Variants in NEU1 observed in about 807,000 individuals in gnomAD.
NEU1 encodes neuraminidase 1, also known as sialidase-1.
Under a neutral mutation model 38.3 loss-of-function variants are expected in NEU1, and 32 were observed. That is an observed-to-expected ratio of 0.84 (90% confidence interval 0.63 to 1.12). The LOEUF (loss-of-function observed/expected upper bound fraction) is 1.12, where lower values mean the gene tolerates loss of function less well. Ranked by LOEUF, NEU1 falls within the 50% of genes most tolerant of loss-of-function variation. NEU1 has a pLI of 0.00. For missense variants in NEU1, 431 were observed against 549.2 expected, an observed-to-expected ratio of 0.78 and a Z score of 2.15; for synonymous variants, 192 against 225.2, an observed-to-expected ratio of 0.85 and a Z score of 1.32.
Position 31,859,699 on chromosome 6 carries a change from C to T in NEU1, c.*20G>A, listed in dbSNP as rs1762426191. On this transcript the variant is annotated 3_prime_UTR_variant, in exon 6 of 6. Coordinates refer to ENST00000375631, the MANE Select transcript of NEU1 (RefSeq NM_000434.4). ...AGGCAGAGTCCTGAAGGCAGAATAC[C>T]CCTGTGGCAGTGGCACAGCTCAGAG... 6.2e-6 allele frequency: 10 copies of T among 1,610,578 alleles called. No homozygotes were observed. The highest frequency in any genetic ancestry group is 1.7e-5 in the Admixed American group (1 of 59,982).
rs557819849 is a variant in NEU1, at chr6:31,860,359, A to C, written c.798+80T>G. The stretch of plus-strand genomic sequence containing the variant: ...GTGTGGCACTGAGTGGAGCAGTCAG[A>C]CCCTGGGTCTGTGCGTGAAATGATG... On this transcript the variant is annotated intron_variant, in intron 4 of 5. Coordinates refer to ENST00000375631, the MANE Select transcript of NEU1 (RefSeq NM_000434.4). The surrounding 1 kb of genome is among the most constrained non-coding windows in gnomAD (Gnocchi z 4.8). The C allele has an allele frequency of 6.2e-7, 1 of 1,606,868 alleles. No individual in the cohort carries two copies. Among genetic ancestry groups the C allele is most frequent in the African/African-American group, 1.3e-5 (1 of 74,774 alleles).
In NEU1 at chr6:31,858,623, T is replaced by C. The variant is rs1347719319; in HGVS notation, c.*1096A>G. 1 of 145,534 alleles carries C rather than the reference T, an allele frequency of 6.9e-6. No individual in the cohort carries two copies. Among genetic ancestry groups the C allele is most frequent in the Admixed American group, 6.9e-5 (1 of 14,574 alleles). 9.0% of individuals were successfully genotyped at this position (145,534 alleles called of 1,614,324 possible). A position where few individuals can be genotyped will look rare whatever the true frequency, so the allele number is the denominator to read the frequency against. ...AGACTCCATCTCAAAAAAAAAAAAATTAAATTAAAAAATAAATAAATAAAA... is the reference window on the plus strand; with the variant it reads ...AGACTCCATCTCAAAAAAAAAAAAACTAAATTAAAAAATAAATAAATAAAA... On this transcript the variant is annotated 3_prime_UTR_variant, in exon 6 of 6. Coordinates refer to ENST00000375631, the MANE Select transcript of NEU1 (RefSeq NM_000434.4).
rs975085387 is a variant in NEU1 at position 31,859,636 on chromosome 6, G to C, written c.*83C>G. On this transcript the variant is annotated 3_prime_UTR_variant, in exon 6 of 6. Coordinates refer to ENST00000375631, the MANE Select transcript of NEU1 (RefSeq NM_000434.4). ...AAAGGAAGATGGAACTGTCTTTCAG[G>C]CGTCTCCAGCAGACCCTCTACAGAC... 5.2e-6 allele frequency: 7 copies of C among 1,348,212 alleles called. No homozygotes were observed. Among genetic ancestry groups the C allele is most frequent in the Admixed American group, 3.5e-5 (2 of 57,880 alleles). 83.5% of individuals were successfully genotyped at this position (1,348,212 alleles called of 1,614,324 possible). A position where few individuals can be genotyped will look rare whatever the true frequency, so the allele number is the denominator to read the frequency against.
In NEU1 at chr6:31,858,212, T is replaced by G. The variant is rs1762370948; in HGVS notation, c.*1507A>C. The G allele has an allele frequency of 1.3e-5, 2 of 152,218 alleles. No homozygotes were observed. The highest frequency in any genetic ancestry group is 2.9e-5 in the Non-Finnish European group (2 of 68,074). 9.4% of individuals were successfully genotyped at this position (152,218 alleles called of 1,614,324 possible). A position where few individuals can be genotyped will look rare whatever the true frequency, so the allele number is the denominator to read the frequency against. On this transcript the variant is annotated 3_prime_UTR_variant, in exon 6 of 6. Coordinates refer to ENST00000375631, the MANE Select transcript of NEU1 (RefSeq NM_000434.4). The stretch of plus-strand genomic sequence containing the variant: ...CAGGCTGGGTGCAGGGGCTCAAGCC[T>G]GTAATCCCAGCACTTTGAGAGAACA...
At chr6:31,861,479 A>G (rs751077632) in intron 2 of NEU1, 29 bp from the exon 3 acceptor site, 22 of 1,612,594 alleles carry the variant, frequency 1.4e-5, no homozygotes, top group Non-Finnish European at 1.9e-5. Flanking sequence ...AGAAACCCAG[A>G]GTGAGCACTC....
In NEU1 at chr6:31,858,909, C is replaced by G. The variant is rs1228593767; in HGVS notation, c.*810G>C. The G allele has an allele frequency of 2.6e-5, 4 of 152,612 alleles. No homozygotes were observed. Among genetic ancestry groups the G allele is most frequent in the African/African-American group, 9.7e-5 (4 of 41,412 alleles). The allele number at this position is 152,612 out of a possible 1,614,324, so 9.5% of individuals were successfully genotyped here. On this transcript the variant is annotated 3_prime_UTR_variant, in exon 6 of 6. Coordinates refer to ENST00000375631, the MANE Select transcript of NEU1 (RefSeq NM_000434.4). The stretch of plus-strand genomic sequence containing the variant: ...TGGTGTCACTGACCTGTAGTCCCAA[C>G]TACTCCGGAGGCTGAGACGTGAGGA...
chr6:31,859,663 C>T lies in NEU1; in HGVS notation c.*56G>A, dbSNP rs3130678. 7.3e-5 allele frequency: 113 copies of T among 1,555,156 alleles called. No individual in the cohort carries two copies. Among genetic ancestry groups the T allele is most frequent in the Non-Finnish European group, 8.1e-5 (92 of 1,131,968 alleles). ...GTCTCCAGCAGACCCTCTACAGACC[C>T]GTGTTCCTGAAGGCAGAGTCCTGAA... On this transcript the variant is annotated 3_prime_UTR_variant, in exon 6 of 6. Transcript: ENST00000375631.
chr6:31,859,377 A>G lies in NEU1; in HGVS notation c.*342T>C, dbSNP rs1447329702. The G allele has an allele frequency of 2.2e-6, 1 of 463,842 alleles. No homozygotes were observed. Among genetic ancestry groups the G allele is most frequent in the Non-Finnish European group, 4.0e-6 (1 of 251,124 alleles). The allele number at this position is 463,842 out of a possible 1,614,324, so 28.7% of individuals were successfully genotyped here. ...CCAAAGAGGAGGCTCAGCCTTCCCC[A>G]GTTCCCTGAGTTCACATTGATTCAA... On this transcript the variant is annotated 3_prime_UTR_variant, in exon 6 of 6. Transcript: ENST00000375631.
Position 31,862,332 on chromosome 6 carries a change from G to T in NEU1, c.160-141C>A. ...CCAGAACAAGAAAGAGGAACACGAAGGGGAGTTTGGAGCGAAGCTGGAGGC... is the reference window on the plus strand; with the variant it reads ...CCAGAACAAGAAAGAGGAACACGAATGGGAGTTTGGAGCGAAGCTGGAGGC... On this transcript the variant is annotated intron_variant, in intron 1 of 5. Transcript: ENST00000375631. This position sits in a 1 kb window ranked among gnomAD's most constrained non-coding sequence, Gnocchi z 6.3. The T allele has an allele frequency of 9.7e-7, 1 of 1,035,324 alleles. No homozygotes were observed. Among genetic ancestry groups the T allele is most frequent in the Non-Finnish European group, 1.5e-6 (1 of 687,240 alleles). The allele number at this position is 1,035,324 out of a possible 1,614,324, so 64.1% of individuals were successfully genotyped here.
chr6:31,859,439 A>G lies in NEU1; in HGVS notation c.*280T>C, dbSNP rs371399438. ...ACTAGACCTGCCCAAGACAGGACCA[A>G]TCAATGTCCCGGGAGGGCAGAGAGG... On this transcript the variant is annotated 3_prime_UTR_variant, in exon 6 of 6. Transcript: ENST00000375631. 8.7e-6 allele frequency: 5 copies of G among 576,504 alleles called. No individual in the cohort carries two copies. Among genetic ancestry groups the G allele is most frequent in the Admixed American group, 2.9e-5 (1 of 34,796 alleles). The allele number at this position is 576,504 out of a possible 1,614,324, so 35.7% of individuals were successfully genotyped here. A position where few individuals can be genotyped will look rare whatever the true frequency, so the allele number is the denominator to read the frequency against.
Position 31,858,345 on chromosome 6 carries a change from C to T in NEU1, c.*1374G>A, listed in dbSNP as rs1431780914. On this transcript the variant is annotated 3_prime_UTR_variant, in exon 6 of 6. Coordinates refer to ENST00000375631, the MANE Select transcript of NEU1 (RefSeq NM_000434.4). ...AAATCAGCCCGCCGGCACCATGGCT[C>T]ATGCTTGTAATCACAACACTTTGGG... 1 of 152,034 alleles carries T rather than the reference C, an allele frequency of 6.6e-6. No individual in the cohort carries two copies. Among genetic ancestry groups the T allele is most frequent in the African/African-American group, 2.4e-5 (1 of 41,396 alleles). 9.4% of individuals were successfully genotyped at this position (152,034 alleles called of 1,614,324 possible).
In NEU1 at chr6:31,861,389, G is replaced by A; in HGVS notation, c.414C>T (p.Asn138=). 6.2e-7 allele frequency: 1 copy of A among 1,612,930 alleles called. No homozygotes were observed. Among genetic ancestry groups the A allele is most frequent in the Non-Finnish European group, 8.5e-7 (1 of 1,180,024 alleles). ...VNDGDVPDGL[N]LGAVVSDVET... ...CAACATCGCTCACTACTGCCCCAAG[G>A]TTCAGCCCATCGGGGACATCCCCAT... Residue 138 remains asparagine (N), a synonymous_variant, in exon 3 of 6, where the codon AAC becomes AAT. Transcript: ENST00000375631.
Position 31,858,190 on chromosome 6 carries a change from G to C in NEU1, c.*1529C>G, listed in dbSNP as rs984246568. The C allele has an allele frequency of 6.6e-6, 1 of 152,150 alleles. No individual in the cohort carries two copies. The highest frequency in any genetic ancestry group is 1.5e-5 in the Non-Finnish European group (1 of 68,044). The allele number at this position is 152,150 out of a possible 1,614,324, so 9.4% of individuals were successfully genotyped here. ...GTGTGGATTTTAAAATATCTTACAG[G>C]CTGGGTGCAGGGGCTCAAGCCTGTA... On this transcript the variant is annotated 3_prime_UTR_variant, in exon 6 of 6. Transcript: ENST00000375631.
chr6:31,860,152 G>A lies in NEU1; in HGVS notation c.911C>T (p.Pro304Leu), dbSNP rs750203675. The change falls in exon 5 of 6, where the codon CCC becomes CTC. Residue 304 changes from proline to leucine, a missense_variant. Pro to Leu is a moderately conservative substitution (Grantham distance 98, BLOSUM62 -3). Transcript: ENST00000375631. The surrounding 1 kb of genome is among the most constrained non-coding windows in gnomAD (Gnocchi z 4.8). ...CTCAGGGTCGAAGGTCACATCACGGGGCCTTAGTGTATCACAGGCATCATA... is the reference window on the plus strand; with the variant it reads ...CTCAGGGTCGAAGGTCACATCACGGAGCCTTAGTGTATCACAGGCATCATA... ...RSYDACDTLRPRDVTFDPELV... is the reference protein window; with the variant it reads ...RSYDACDTLRLRDVTFDPELV... 15 of 1,612,862 alleles carry A rather than the reference G, an allele frequency of 9.3e-6. No individual in the cohort carries two copies. The Admixed American group carries it at 1.0e-4, about 11-fold the overall frequency.
Position 31,860,095 on chromosome 6 carries a change from A to G in NEU1, c.968T>C (p.Val323Ala), listed in dbSNP as rs1762444320. 7 of 1,612,848 alleles carry G rather than the reference A, an allele frequency of 4.3e-6. No homozygotes were observed. Among genetic ancestry groups the G allele is most frequent in the Non-Finnish European group, 5.9e-6 (7 of 1,180,002 alleles). Residue 323 changes from valine (V) to alanine (A), a missense_variant, in exon 5 of 6, where the codon GTA (valine) becomes GCA (alanine). By Grantham distance (64) the Val-to-Ala change is moderately conservative. Coordinates refer to ENST00000375631, the MANE Select transcript of NEU1 (RefSeq NM_000434.4). This position sits in a 1 kb window ranked among gnomAD's most constrained non-coding sequence, Gnocchi z 4.8. ...GAAGACAATGCCGGAGCTGGTGACT[A>G]CAGCTCCTGCAGCTACCACAGGGTC... ...LVDPVVAAGA[V>A]VTSSGIVFFS...
chr6:31,861,443 T>G lies in NEU1; in HGVS notation c.360A>C (p.Thr120=). The change falls in exon 3 of 6, where the codon ACA becomes ACC. Residue 120 remains threonine, a synonymous_variant. Coordinates refer to ENST00000375631, the MANE Select transcript of NEU1 (RefSeq NM_000434.4). ...ALRRSMDQGS[T]WSPTAFIVND... ...TGACAATGAACGCTGTAGGAGACCATGTGCTGCCTGAAAAAAATTGGAGGA... is the reference window on the plus strand; with the variant it reads ...TGACAATGAACGCTGTAGGAGACCAGGTGCTGCCTGAAAAAAATTGGAGGA... 6.2e-7 allele frequency: 1 copy of G among 1,612,844 alleles called. No homozygotes were observed. The highest frequency in any genetic ancestry group is 1.1e-5 in the South Asian group (1 of 91,084).
chr6:31,862,811 ACT>A lies in NEU1; in HGVS notation c.-37_-36del. ...CAGCTGCCGCGACCCTGGCAGCTAG[ACT>A]CCACAGAGTCGGGAGTCAGCTGACC... On this transcript the variant is annotated 5_prime_UTR_variant, in exon 1 of 6. Transcript: ENST00000375631. The surrounding 1 kb of genome is among the most constrained non-coding windows in gnomAD (Gnocchi z 6.3). 6.2e-7 allele frequency: 1 copy of A among 1,611,524 alleles called. No homozygotes were observed. Among genetic ancestry groups the A allele is most frequent in the Non-Finnish European group, 8.5e-7 (1 of 1,179,414 alleles).
chr6:31,861,839 G>A, intron 2 of NEU1, 160 bp downstream of exon 2: 1 of 815,226 alleles, frequency 1.2e-6, no homozygotes, highest in Non-Finnish European at 2.1e-6. Context: ...CCAATTTCCA[G>A]ATCACTGTCC....
rs1278279828 is a variant in NEU1, at chr6:31,859,928, G to A, written c.1039C>T (p.Arg347Ter). Residue 347 changes from arginine to a stop codon, truncating the protein, a stop_gained, in exon 6 of 6, where the codon CGA becomes TGA. Coordinates refer to ENST00000375631, the MANE Select transcript of NEU1 (RefSeq NM_000434.4). LOFTEE classifies it high-confidence loss of function. ...GAGGTACCATTGCTGAAGCTCCATC[G>A]CAGGGTCAGGTTCACTCCTGGGGAG... ...HPEFRVNLTL[R>*]WSFSNGTSWR... The A allele has an allele frequency of 1.9e-6, 3 of 1,612,978 alleles. No homozygotes were observed. The highest frequency in any genetic ancestry group is 2.5e-6 in the Non-Finnish European group (3 of 1,180,026).
Sources: gnomAD v4.1 joint callset for allele counts on GRCh38, gnomAD v4.1.1 for gene constraint, Gnocchi (gnomAD v3.1) non-coding constraint, MANE v1.5 for transcripts, NCBI Gene and HGNC (gene_info 2026-07-23, HGNC 2026-07-21) for gene names.